TMF1: variants seen among roughly 807,000 people sequenced by gnomAD.
TMF1 encodes the protein TATA element modulatory factor.
In TMF1, 71 loss-of-function variants were observed where a neutral mutation model predicts 126.5. The observed-to-expected ratio is 0.56, with a 90% confidence interval of 0.46 to 0.68. The LOEUF (loss-of-function observed/expected upper bound fraction) is 0.68. Among genes scored for constraint, TMF1 ranks in the 30% least tolerant of loss-of-function variants. The pLI is 0.00. For synonymous variants in TMF1, 461 were observed against 430.5 expected (o/e 1.07, Z -0.88); for missense variants, 1,259 against 1,253.2 (o/e 1.00, Z -0.07).
chr3:69,025,631 C>T lies in TMF1; in HGVS notation c.2941G>A (p.Ala981Thr). 7 of 1,614,062 alleles carry T rather than the reference C, an allele frequency of 4.3e-6. No homozygotes were observed. Among genetic ancestry groups the T allele is most frequent in the Non-Finnish European group, 5.9e-6 (7 of 1,179,932 alleles). The change falls in exon 15 of 17, where the codon GCA becomes ACA. Residue 981 changes from alanine to threonine, a missense_variant. Coordinates refer to ENST00000398559, the MANE Select transcript of TMF1 (RefSeq NM_007114.3). ...SNLYDAVRMG[A>T]GSSIIENLQS... ...AGGTTTTCAATTATGCTTGATCCTG[C>T]TCCCATCCTTACAGCATCATAAAGA...
At chr3:69,039,808 G>A (rs2091853593) in intron 5 of TMF1, 115 bp from the exon 6 acceptor site, 2 of 1,146,760 alleles carry the variant, frequency 1.7e-6, no homozygotes, top group East Asian at 2.7e-5. Context: ...TTACAATTTT[G>A]TAACCCACAA....
At chr3:69,050,177 T>C (rs114445898) in intron 1 of TMF1, among the ~76,000 whole-genome samples, 1 of 151,416 alleles carries the variant, frequency 6.6e-6, no homozygotes, top group African/African-American at 2.4e-5. Flanking sequence ...CGAGAATCAC[T>C]TGAGCTCAGG....
chr3:69,025,825 G>T, intron 14 of TMF1, 113 bp from the exon 15 acceptor site: 1 of 1,276,184 alleles, frequency 7.8e-7, no homozygotes, highest in Non-Finnish European at 1.1e-6. Flanking sequence ...TCTTCTCAAA[G>T]GCAGAAAATC....
At position 69,019,848 on chromosome 3, in the gene TMF1, T is replaced by C. The variant is rs1433981199; in HGVS notation, c.*3329A>G. 6.6e-6 allele frequency: 1 copy of C among 152,158 alleles called. No homozygotes were observed. The highest frequency in any genetic ancestry group is 1.5e-5 in the Non-Finnish European group (1 of 67,996). The allele number at this position is 152,158 out of a possible 1,614,324, so 9.4% of individuals were successfully genotyped here. On this transcript the variant is annotated 3_prime_UTR_variant, in exon 17 of 17. Coordinates refer to ENST00000398559, the MANE Select transcript of TMF1 (RefSeq NM_007114.3). The stretch of plus-strand genomic sequence containing the variant: ...ACTATTACTATTTTAAAATCTTTAT[T>C]CAATCAGATCCATGCTTATTTACAT...
chr3:69,036,826 T>A (rs1489986471), intron 8 of TMF1, among the ~76,000 whole-genome samples: 2 of 152,214 alleles, frequency 1.3e-5, no homozygotes, highest in Non-Finnish European at 2.9e-5. Flanking sequence ...ACAAAACTCT[T>A]AGAAGAAAAC....
intron 11 of TMF1, among the ~76,000 whole-genome samples, chr3:69,029,200 A>G (rs1361520493): frequency 6.6e-6 from 1 of 151,678 alleles, no homozygotes; most frequent in Non-Finnish European, 1.5e-5. Context: ...TGCCTGGCTA[A>G]TTTTTGTATT....
rs149655876 is a variant in TMF1, at chr3:69,028,157, A to G, written c.2664+69T>C. On this transcript the variant is annotated intron_variant, in intron 12 of 16. Transcript: ENST00000398559. ...ACCCATTTCATCTTGTTATCTCATT[A>G]ATTTGCTGCCATCCCCAACCATTCT... 18 of 1,366,106 alleles carry G rather than the reference A, an allele frequency of 1.3e-5. No individual in the cohort carries two copies. In the African/African-American group the frequency reaches 2.2e-4, roughly 16 times the overall value. The allele number at this position is 1,366,106 out of a possible 1,614,324, so 84.6% of individuals were successfully genotyped here. A position where few individuals can be genotyped will look rare whatever the true frequency, so the allele number is the denominator to read the frequency against.
chr3:69,040,093 T>C (rs2107464789), intron 5 of TMF1, among the ~76,000 whole-genome samples: 1 of 152,294 alleles, frequency 6.6e-6, no homozygotes, highest in African/African-American at 2.4e-5. Flanking sequence ...CTAAATCTAA[T>C]TTAAATCTCA....
rs1310417620 is a variant in TMF1, at chr3:69,029,806, C to T, written c.2594+9G>A. 4.4e-6 allele frequency: 7 copies of T among 1,593,010 alleles called. No individual in the cohort carries two copies. In the Admixed American group the frequency reaches 1.2e-4, roughly 28 times the overall value. On this transcript the variant is annotated intron_variant, in intron 11 of 16. Coordinates refer to ENST00000398559, the MANE Select transcript of TMF1 (RefSeq NM_007114.3). ...ACTACCAAAAATATCACTCAGAAAC[C>T]ATGCTCACCTATTGTTCTCATCCTC...
chr3:69,035,815 C>T (rs144217851), intron 8 of TMF1, among the ~76,000 whole-genome samples: 5 of 151,836 alleles, frequency 3.3e-5, no homozygotes, highest in African/African-American at 7.2e-5. Context: ...TAAAATAACA[C>T]GTAAGACATC....
chr3:69,035,165 A>G (rs2091825446), intron 8 of TMF1, 50 bp from the exon 9 acceptor site: 7 of 1,431,396 alleles, frequency 4.9e-6, no homozygotes, highest in African/African-American at 1.4e-5. Flanking sequence ...AGTATTATCT[A>G]TAACTTCCCA....
At chr3:69,044,658 C>T in intron 2 of TMF1, 63 bp from the exon 3 acceptor site, 2 of 1,007,050 alleles carry the variant, frequency 2.0e-6, no homozygotes, top group Non-Finnish European at 1.5e-6. Context: ...TTTTTACATG[C>T]AGGTGTATCA....
intron 5 of TMF1, 154 bp downstream of exon 5, chr3:69,042,653 T>C: frequency 1.4e-6 from 1 of 718,502 alleles, no homozygotes; most frequent in Non-Finnish European, 2.5e-6. Flanking sequence ...ATCTTATTCC[T>C]CATTCTTCCA....
Position 69,020,212 on chromosome 3 carries a change from CACTT to C in TMF1, c.*2961_*2964del, listed in dbSNP as rs1198596598. ...AAAAAAATTTCCTGAACATTCTTTT[CACTT>C]ACTTCACTACAAACTTCATGTTTCC... is the stretch of plus-strand genomic sequence containing the variant. On this transcript the variant is annotated 3_prime_UTR_variant, in exon 17 of 17. Transcript: ENST00000398559. 2.0e-5 allele frequency: 3 copies of C among 152,152 alleles called. No individual in the cohort carries two copies. The highest frequency in any genetic ancestry group is 7.2e-5 in the African/African-American group (3 of 41,450). The allele number at this position is 152,152 out of a possible 1,614,324, so 9.4% of individuals were successfully genotyped here.
Position 69,038,873 on chromosome 3 carries a change from C to T in TMF1, c.1964G>A (p.Ser655Asn). ...DMDELEEKNR[S>N]IQAALDSAYK... ...TGCACTATCCAGGGCAGCCTGAATA[C>T]TTCGGTTCTTTTCTTCAAGTTCATC... Residue 655 changes from serine to asparagine, a missense_variant, in exon 7 of 17, where the codon AGT (serine) becomes AAT (asparagine). Transcript: ENST00000398559. 1 of 1,610,112 alleles carries T rather than the reference C, an allele frequency of 6.2e-7. No homozygotes were observed. Among genetic ancestry groups the T allele is most frequent in the Non-Finnish European group, 8.5e-7 (1 of 1,178,684 alleles).
At chr3:69,030,069 T>A (rs2091791222) in intron 10 of TMF1, 62 bp from the exon 11 acceptor site, 1 of 1,411,622 alleles carries the variant, frequency 7.1e-7, no homozygotes, top group Non-Finnish European at 9.6e-7. Context: ...AAATACCAAG[T>A]CAATTCTGAT....
At chr3:69,033,422 A>C in intron 10 of TMF1, 126 bp downstream of exon 10, 1 of 1,097,352 alleles carries the variant, frequency 9.1e-7, no homozygotes. Context: ...GAAAATGTAA[A>C]AATCTACATA....
intron 13 of TMF1, 101 bp from the exon 14 acceptor site, chr3:69,026,198 T>G: frequency 1.3e-6 from 1 of 755,846 alleles, no homozygotes; most frequent in Non-Finnish European, 2.2e-6. Context: ...GATTCAGTCT[T>G]TTAAAAAAGC....
At chr3:69,038,446 C>T (rs574958756) in intron 8 of TMF1, 118 bp downstream of exon 8, 2 of 1,150,454 alleles carry the variant, frequency 1.7e-6, no homozygotes, top group African/African-American at 3.1e-5. Context: ...GAATCCAGTA[C>T]TCTGAAATCT....
Sources: gnomAD v4.1 joint callset for allele counts (sites outside exome capture counted in the v4.1 genomes callset) on GRCh38, gnomAD v4.1.1 for gene constraint, MANE v1.5 for transcripts, NCBI Gene and HGNC (gene_info 2026-07-23, HGNC 2026-07-21) for gene names.